Variants in MYO9A observed in about 807,000 individuals in gnomAD.
MYO9A encodes myosin IXA, also known as unconventional myosin-IXa.
MYO9A carries 103 observed loss-of-function variants against 293.3 expected under a neutral mutation model. The observed-to-expected ratio is 0.35, with a 90% CI of 0.30 to 0.41. The LOEUF (loss-of-function observed/expected upper bound fraction) is 0.41, where lower values mean the gene tolerates loss of function less well. MYO9A is among the 10% of genes least tolerant of loss of function. The pLI is 1.00. For missense variants in MYO9A, 2,685 were observed against 3,033.0 expected (o/e 0.89, Z 2.69); for synonymous variants, 1,001 against 1,035.7 (o/e 0.97, Z 0.64).
At chr15:71,877,976 C>A in intron 31 of MYO9A, 64 bp downstream of exon 31, 3 of 1,390,818 alleles carry the variant, frequency 2.2e-6, no homozygotes, top group East Asian at 2.5e-5. Context: ...ACAAGATGTC[C>A]CAAACGCTCT....
chr15:72,005,828 C>T lies in MYO9A; in HGVS notation c.1380+1998G>A, dbSNP rs555179992. Among the ~76,000 whole-genome samples the T allele has an allele frequency of 5.9e-5, 9 of 152,244 alleles. No individual in the cohort carries two copies. In the South Asian group the frequency reaches 1.5e-3, roughly 25 times the overall value. On this transcript the variant is annotated intron_variant, in intron 8 of 41. Coordinates refer to ENST00000356056, the MANE Select transcript of MYO9A (RefSeq NM_006901.4). ...AAAACTAAATTATGCTACGTAGAAA[C>T]AAATGCTCTGTATTTAGGGAGTCAG...
intron 15 of MYO9A, chr15:71,939,155 A>G: frequency 2.1e-6 from 1 of 470,644 alleles, no homozygotes; most frequent in Admixed American, 3.9e-5. Flanking sequence ...TCATTGAATC[A>G]TTAACTTCAG....
At chr15:72,072,472 C>T (rs926709191) in intron 1 of MYO9A, among the ~76,000 whole-genome samples, 1 of 152,074 alleles carries the variant, frequency 6.6e-6, no homozygotes, top group Non-Finnish European at 1.5e-5. Flanking sequence ...GCACTATTCA[C>T]AATAGCAAAG....
At chr15:72,030,492 T>C (rs927046525) in intron 3 of MYO9A, among the ~76,000 whole-genome samples, 6 of 152,014 alleles carry the variant, frequency 3.9e-5, no homozygotes, top group African/African-American at 1.2e-4. Flanking sequence ...ATAATACATA[T>C]CTATATACTA....
At chr15:72,085,835 GGGTTTGATTGTGGTATATAA>G (rs1460361433) in intron 1 of MYO9A, among the ~76,000 whole-genome samples, 1 of 152,154 alleles carries the variant, frequency 6.6e-6, no homozygotes, top group South Asian at 2.1e-4. Context: ...ATGACCTTGA[GGGTTTGATTGTGGTATATAA>G]GGTGGGTTCA....
intron 14 of MYO9A, among the ~76,000 whole-genome samples, chr15:71,956,302 C>T (rs2059176208): frequency 1.3e-5 from 1 of 79,760 alleles, no homozygotes; most frequent in East Asian, 3.1e-4. Context: ...ACAGCGAAAC[C>T]CGGCTCTTAA....
chr15:71,893,567 C>T, intron 26 of MYO9A, 112 bp downstream of exon 26: 1 of 790,062 alleles, frequency 1.3e-6, no homozygotes, highest in South Asian at 1.8e-5. Context: ...TCTCTAAAAA[C>T]ACTTGGGAGT....
chr15:72,028,090 G>A (rs866532588), intron 3 of MYO9A, among the ~76,000 whole-genome samples: 7 of 151,466 alleles, frequency 4.6e-5, no homozygotes, highest in African/African-American at 9.7e-5. Flanking sequence ...CCAGTTACTC[G>A]GGAGGCTGAG....
chr15:72,018,911 G>GT (rs2077418176), intron 6 of MYO9A, 128 bp downstream of exon 6: 1 of 709,516 alleles, frequency 1.4e-6, no homozygotes, highest in African/African-American at 1.8e-5. Context: ...ATGAAACATT[G>GT]ATTTATCTTC....
chr15:71,982,945 A>G (rs550812200), intron 11 of MYO9A, among the ~76,000 whole-genome samples: 1 of 152,220 alleles, frequency 6.6e-6, no homozygotes, highest in Non-Finnish European at 1.5e-5. Context: ...TTGAAATATG[A>G]TATTAATATA....
At chr15:71,939,069 A>C in intron 15 of MYO9A, 142 bp from the exon 16 acceptor site, 1 of 594,198 alleles carries the variant, frequency 1.7e-6, no homozygotes, top group Non-Finnish European at 2.9e-6. Context: ...TACATGACCC[A>C]AGTCTCATAA....
intron 19 of MYO9A, among the ~76,000 whole-genome samples, chr15:71,905,913 T>C (rs942341396): frequency 6.6e-6 from 1 of 152,108 alleles, no homozygotes; most frequent in Admixed American, 6.6e-5. Context: ...GGGTTTCATA[T>C]ATTCTTTTTA....
intron 34 of MYO9A, among the ~76,000 whole-genome samples, chr15:71,855,915 A>C (rs1411421407): frequency 6.6e-6 from 1 of 152,216 alleles, no homozygotes; most frequent in Non-Finnish European, 1.5e-5. Flanking sequence ...TCAAGAACTT[A>C]CTTGAACTGA....
intron 1 of MYO9A, among the ~76,000 whole-genome samples, chr15:72,050,866 A>G (rs933567173): frequency 6.6e-6 from 1 of 152,094 alleles, no homozygotes; most frequent in Non-Finnish European, 1.5e-5. Flanking sequence ...TGGTAATCCA[A>G]AGGTCTTTCC....
At chr15:71,868,491 A>C (rs377043922) in intron 32 of MYO9A, among the ~76,000 whole-genome samples, 30 of 152,320 alleles carry the variant, frequency 2.0e-4, no homozygotes, top group African/African-American at 6.7e-4. Flanking sequence ...CTGTTATGTT[A>C]AAGTGAGTTG....
Position 71,898,152 on chromosome 15 carries a change from CTG to C in MYO9A, c.4349_4350del (p.Thr1450SerfsTer14). Reference sequence around the variant, plus strand: ...ATATCCAAAGTAAGAGCTTCCCCCGCTGTGTCTTCATTTTCCAATAGTTTGTT... The same window carrying C: ...ATATCCAAAGTAAGAGCTTCCCCCGCTGTCTTCATTTTCCAATAGTTTGTT... Reference protein sequence around the residue: ...QRNKLLENEDTAGEALTLDIN... With the variant: ...QRNKLLENEDXAGEALTLDIN... On this transcript the variant is annotated frameshift_variant, in exon 25 of 42. Coordinates refer to ENST00000356056, the MANE Select transcript of MYO9A (RefSeq NM_006901.4). LOFTEE classifies it high-confidence loss of function. 6.2e-7 allele frequency: 1 copy of C among 1,614,104 alleles called. No homozygotes were observed. Among genetic ancestry groups the C allele is most frequent in the South Asian group, 1.1e-5 (1 of 91,078 alleles).
chr15:71,898,541 G>A lies in MYO9A; in HGVS notation c.3962C>T (p.Thr1321Ile), dbSNP rs1162524063. The A allele has an allele frequency of 1.9e-6, 3 of 1,613,942 alleles. No individual in the cohort carries two copies. Among genetic ancestry groups the A allele is most frequent in the Non-Finnish European group, 1.7e-6 (2 of 1,180,004 alleles). ...TCCTTGAGAGCTCTCACTATCAGGTGTACCCCGTGGAGACTGAAGGCCTTC... is the reference window on the plus strand; with the variant it reads ...TCCTTGAGAGCTCTCACTATCAGGTATACCCCGTGGAGACTGAAGGCCTTC... ...VPEGLQSPRG[T>I]PDSESSQGSL... Residue 1321 changes from threonine (T) to isoleucine (I), a missense_variant, in exon 25 of 42, where the codon ACA becomes ATA. Physicochemically the swap from Thr to Ile is moderately conservative, Grantham distance 89. Transcript: ENST00000356056.
At chr15:71,833,208 C>A (rs1392057318) in intron 39 of MYO9A, among the ~76,000 whole-genome samples, 2 of 150,042 alleles carry the variant, frequency 1.3e-5, no homozygotes, top group African/African-American at 4.9e-5. Context: ...GATTGTTGGG[C>A]CATATAAAAA....
At chr15:71,951,920 C>CAAA in intron 14 of MYO9A, 24 bp from the exon 15 acceptor site, 3 of 1,308,322 alleles carry the variant, frequency 2.3e-6, no homozygotes, top group Admixed American at 2.6e-5. Flanking sequence ...AAAAAACAAA[C>CAAA]AAAAAAAAAA....
Sources: allele counts gnomAD v4.1 joint callset (sites outside exome capture counted in the v4.1 genomes callset), GRCh38; gene constraint gnomAD v4.1.1; transcripts MANE v1.5; gene names NCBI Gene and HGNC (gene_info 2026-07-23, HGNC 2026-07-21).